CLDN10: variants seen among roughly 807,000 people sequenced by gnomAD.
The protein encoded by CLDN10 is claudin-10.
Under a neutral mutation model 22.9 loss-of-function variants are expected in CLDN10, and 15 were observed. That is an observed-to-expected ratio of 0.65 (90% confidence interval 0.44 to 1.01). The LOEUF (loss-of-function observed/expected upper bound fraction) is 1.01. Among genes scored for constraint, CLDN10 ranks in the 50% least tolerant of loss-of-function variants. The pLI is 0.00. For missense variants in CLDN10, 247 were observed against 287.8 expected (o/e 0.86, Z 1.03); for synonymous variants, 114 against 111.4 (o/e 1.02, Z -0.15).
intron 1 of CLDN10, among the ~76,000 whole-genome samples, chr13:95,533,373 G>A (rs2043366945): frequency 6.6e-6 from 1 of 152,070 alleles, no homozygotes; most frequent in South Asian, 2.1e-4. Context: ...ATTTTATAAA[G>A]TTTTATGAGA....
intron 3 of CLDN10, among the ~76,000 whole-genome samples, chr13:95,563,132 C>T: frequency 7.0e-6 from 1 of 142,270 alleles, no homozygotes; most frequent in African/African-American, 2.6e-5. Context: ...CTCTCTCTCT[C>T]TCTGTCTGTA....
chr13:95,445,411 G>A (rs2042364605), intron 1 of CLDN10, among the ~76,000 whole-genome samples: 2 of 152,332 alleles, frequency 1.3e-5, no homozygotes, highest in Admixed American at 6.5e-5. Flanking sequence ...TACCCATGGG[G>A]CTTACACTTA....
At chr13:95,448,596 A>G (rs1477672104) in intron 1 of CLDN10, among the ~76,000 whole-genome samples, 5 of 152,174 alleles carry the variant, frequency 3.3e-5, no homozygotes, top group Admixed American at 6.5e-5. Flanking sequence ...GAAGTCATTC[A>G]TATTGGGGCA....
intron 1 of CLDN10, among the ~76,000 whole-genome samples, chr13:95,454,543 C>T (rs560894022): frequency 6.6e-5 from 10 of 152,278 alleles, no homozygotes; most frequent in South Asian, 6.2e-4. Flanking sequence ...CCTCTCTCCC[C>T]ACCCTGCTGT....
chr13:95,572,588 ATTG>A (rs1395612397), intron 3 of CLDN10, among the ~76,000 whole-genome samples: 1 of 152,212 alleles, frequency 6.6e-6, no homozygotes, highest in Non-Finnish European at 1.5e-5. Context: ...AATAGTAGCT[ATTG>A]TTAGCTACTA....
At chr13:95,502,601 C>T (rs2042997358) in intron 1 of CLDN10, among the ~76,000 whole-genome samples, 1 of 152,186 alleles carries the variant, frequency 6.6e-6, no homozygotes, top group African/African-American at 2.4e-5. Context: ...CTCACTGTAA[C>T]CTCCACCTCC....
chr13:95,552,955 T>TGG lies in CLDN10; in HGVS notation c.202_203insGG (p.Ser68TrpfsTer17), dbSNP rs1197611202. ...CGTCTCCAACTGCAAGGACTTCCCC[T>TGG]CCATGCTGGCGCTGGACGGTCTGCA... On this transcript the variant is annotated frameshift_variant, in exon 1 of 5. Transcript: ENST00000299339. LOFTEE classifies it high-confidence loss of function. The TGG allele has an allele frequency of 6.2e-7, 1 of 1,613,930 alleles. No homozygotes were observed.
chr13:95,440,364 T>C, intron 1 of CLDN10, among the ~76,000 whole-genome samples: 1 of 152,198 alleles, frequency 6.6e-6, no homozygotes, highest in East Asian at 1.9e-4. Context: ...ATGTCCCAAA[T>C]GCATATAAAA....
intron 1 of CLDN10, among the ~76,000 whole-genome samples, chr13:95,445,481 C>A (rs756331710): frequency 6.6e-5 from 10 of 152,162 alleles, no homozygotes; most frequent in Non-Finnish European, 2.9e-5. Context: ...AGCAGGAATA[C>A]AAAGAAAGAT....
At chr13:95,505,208 T>A (rs2043025473) in intron 1 of CLDN10, among the ~76,000 whole-genome samples, 1 of 152,210 alleles carries the variant, frequency 6.6e-6, no homozygotes, top group Non-Finnish European at 1.5e-5. Context: ...TGTGATAGGA[T>A]GGTATCAGGT....
intron 1 of CLDN10, among the ~76,000 whole-genome samples, chr13:95,530,937 T>C (rs1202662489): frequency 6.6e-6 from 1 of 151,854 alleles, no homozygotes; most frequent in Non-Finnish European, 1.5e-5. Context: ...TCCTTTTTTT[T>C]TTTTTTTGAG....
intron 1 of CLDN10, among the ~76,000 whole-genome samples, chr13:95,508,712 C>T (rs988503189): frequency 1.3e-5 from 2 of 152,308 alleles, no homozygotes; most frequent in East Asian, 1.9e-4. Context: ...TCATGGGAGA[C>T]TTCCTTTTCG....
At chr13:95,512,658 C>G (rs2043117320) in intron 1 of CLDN10, among the ~76,000 whole-genome samples, 1 of 152,194 alleles carries the variant, frequency 6.6e-6, no homozygotes, top group Non-Finnish European at 1.5e-5. Context: ...CCCCAGTCAC[C>G]TGGTACTGTC....
rs544821148 is a variant in CLDN10 at position 95,434,393 on chromosome 13, T to C, written c.214+346T>C. ...GTCAGCACCCCTATGTAGGAAATGC[T>C]CTCATTGATTTAAACTTGTCTCTCC... On this transcript the variant is annotated intron_variant, in intron 1 of 4. Transcript: ENST00000376873. Among the ~76,000 whole-genome samples, 18 of 151,774 alleles carry C rather than the reference T, an allele frequency of 1.2e-4. No individual in the cohort carries two copies. In the East Asian group the frequency reaches 3.3e-3, roughly 28 times the overall value.
intron 3 of CLDN10, among the ~76,000 whole-genome samples, chr13:95,574,631 A>T (rs2043901435): frequency 1.3e-5 from 2 of 151,982 alleles, no homozygotes; most frequent in African/African-American, 2.4e-5. Flanking sequence ...TTAGCTGGGC[A>T]TGGTGGCACA....
intron 1 of CLDN10, among the ~76,000 whole-genome samples, chr13:95,461,419 C>A (rs2042535866): frequency 6.6e-6 from 1 of 152,174 alleles, no homozygotes; most frequent in Admixed American, 6.5e-5. Context: ...TGCTAAAAGT[C>A]ACTTTACCTT....
chr13:95,476,238 T>A (rs1206478809), intron 1 of CLDN10, among the ~76,000 whole-genome samples: 2 of 152,210 alleles, frequency 1.3e-5, no homozygotes, highest in Non-Finnish European at 2.9e-5. Context: ...TCTTAGTCTG[T>A]TCAGGCTGCT....
At chr13:95,461,138 GAC>G in intron 1 of CLDN10, among the ~76,000 whole-genome samples, 1 of 151,898 alleles carries the variant, frequency 6.6e-6, no homozygotes, top group East Asian at 2.0e-4. Context: ...ATTTTTTAGA[GAC>G]ACAGTCTCCC....
At chr13:95,574,811 A>T (rs2043903965) in intron 3 of CLDN10, among the ~76,000 whole-genome samples, 1 of 152,198 alleles carries the variant, frequency 6.6e-6, no homozygotes, top group South Asian at 2.1e-4. Flanking sequence ...ATTTAAAAAG[A>T]TATTAAATAT....
Sources: gnomAD v4.1 joint callset for allele counts (sites outside exome capture counted in the v4.1 genomes callset) on GRCh38, gnomAD v4.1.1 for gene constraint, MANE v1.5 for transcripts, NCBI Gene and HGNC (gene_info 2026-07-23, HGNC 2026-07-21) for gene names.